Variants in HDAC4 observed in about 807,000 individuals in gnomAD.
HDAC4 encodes the protein histone deacetylase A.
Under a neutral mutation model 135.1 loss-of-function variants are expected in HDAC4, and 16 were observed. The ratio of observed to expected loss-of-function variants is 0.12; its 90% CI spans 0.08 to 0.18. The LOEUF (loss-of-function observed/expected upper bound fraction) is 0.18, where lower values mean the gene tolerates loss of function less well. Ranked by LOEUF, HDAC4 falls within the 10% of genes least tolerant of loss-of-function variation. The pLI is 1.00. For missense variants in HDAC4, 1,143 were observed against 1,511.8 expected, an observed-to-expected ratio of 0.76 and a Z score of 4.05; for synonymous variants, 685 against 653.4, an observed-to-expected ratio of 1.05 and a Z score of -0.74.
At chr2:239,060,615 G>C (rs1022873482) in intron 24 of HDAC4, among the ~76,000 whole-genome samples, 1 of 152,216 alleles carries the variant, frequency 6.6e-6, no homozygotes, top group Non-Finnish European at 1.5e-5. Context: ...CTGAGGTCTG[G>C]TCACGCCACT....
intron 2 of HDAC4, among the ~76,000 whole-genome samples, chr2:239,258,160 A>C (rs1028284134): frequency 6.6e-6 from 1 of 152,214 alleles, no homozygotes; most frequent in Non-Finnish European, 1.5e-5. Context: ...TCCATCATTT[A>C]ACAGATTAGA....
chr2:239,060,655 C>T (rs983166498), intron 24 of HDAC4, among the ~76,000 whole-genome samples: 3 of 152,228 alleles, frequency 2.0e-5, no homozygotes, highest in Non-Finnish European at 4.4e-5. Context: ...CTTAAAAAGC[C>T]GCTTGATGTT....
chr2:239,152,569 C>T (rs549399813), intron 7 of HDAC4, among the ~76,000 whole-genome samples: 12 of 152,192 alleles, frequency 7.9e-5, no homozygotes, highest in African/African-American at 1.2e-4. Flanking sequence ...TCAAGCCCAG[C>T]GGTGGAGGCT....
intron 17 of HDAC4, among the ~76,000 whole-genome samples, chr2:239,092,698 A>G (rs897085085): frequency 6.6e-6 from 1 of 152,148 alleles, no homozygotes. Context: ...CCACGGCTCC[A>G]GCTCCCAGGG....
chr2:239,218,769 C>G (rs1175821863), intron 3 of HDAC4, among the ~76,000 whole-genome samples: 1 of 137,856 alleles, frequency 7.3e-6, no homozygotes, highest in Non-Finnish European at 1.6e-5. Context: ...AACAAATTTA[C>G]AAGAAAAAAA....
chr2:239,274,345 A>G (rs1203490326), intron 2 of HDAC4, among the ~76,000 whole-genome samples: 1 of 152,178 alleles, frequency 6.6e-6, no homozygotes, highest in Non-Finnish European at 1.5e-5. Context: ...ATTCCCTGGA[A>G]GAGTCACATA....
intron 5 of HDAC4, among the ~76,000 whole-genome samples, chr2:239,168,413 CTAAACATGA>C (rs763368225): frequency 2.6e-5 from 4 of 152,176 alleles, no homozygotes; most frequent in Non-Finnish European, 5.9e-5. Context: ...TGTGTTCTTG[CTAAACATGA>C]TGAAAACTGC....
intron 3 of HDAC4, among the ~76,000 whole-genome samples, chr2:239,213,556 T>C (rs3791607): frequency 0.018 from 2,775 of 152,290 alleles, 83 homozygotes; most frequent in East Asian, 0.14. Flanking sequence ...CCCAAAAGCC[T>C]GCATCTGCAT....
At chr2:239,056,877 C>T (rs370276100) in intron 24 of HDAC4, among the ~76,000 whole-genome samples, 50 of 152,316 alleles carry the variant, frequency 3.3e-4, no homozygotes, top group Middle Eastern at 3.4e-3. Flanking sequence ...ATCTTCCTCC[C>T]CAAAGCACAG....
intron 1 of HDAC4, among the ~76,000 whole-genome samples, chr2:239,359,055 A>G (rs1693696241): frequency 6.6e-6 from 1 of 152,218 alleles, no homozygotes. Context: ...AAAAAGTACA[A>G]ATATTTTAAG....
rs1335416695 is a variant in HDAC4, at chr2:239,286,965, T to A, written c.23-50301A>T. On this transcript the variant is annotated intron_variant, in intron 2 of 26. Coordinates refer to ENST00000543185, the MANE Select transcript of HDAC4 (RefSeq NM_001378414.1). The stretch of plus-strand genomic sequence containing the variant: ...GCTACTCCTAAGGGGTATGTGTTCA[T>A]AAAGAAAAGAGAAAGTGACCCCAGC... Among the ~76,000 whole-genome samples, 12 of 152,146 alleles carry A rather than the reference T, an allele frequency of 7.9e-5. No homozygotes were observed. The East Asian group carries it at 2.3e-3, about 29-fold the overall frequency.
At chr2:239,252,092 C>T (rs904935363) in intron 2 of HDAC4, among the ~76,000 whole-genome samples, 30 of 152,206 alleles carry the variant, frequency 2.0e-4, no homozygotes, top group African/African-American at 7.0e-4. Flanking sequence ...ATGTCACTGG[C>T]AGGATGTGGA....
chr2:239,165,933 A>T (rs1300655918), intron 5 of HDAC4, among the ~76,000 whole-genome samples: 1 of 151,964 alleles, frequency 6.6e-6, no homozygotes, highest in Non-Finnish European at 1.5e-5. Flanking sequence ...GTTTTCATTC[A>T]TTTGGTTATT....
At chr2:239,292,032 C>T (rs866931588) in intron 2 of HDAC4, among the ~76,000 whole-genome samples, 2 of 152,082 alleles carry the variant, frequency 1.3e-5, no homozygotes, top group Non-Finnish European at 2.9e-5. Context: ...CGGCCCAGCT[C>T]GGCCCAGCTC....
At position 239,309,267 on chromosome 2, in the gene HDAC4, A is replaced by G. The variant is rs967300892; in HGVS notation, c.22+43411T>C. ...TTTCATATCCATGTTGTCACATTAC[A>G]TAACAAGCAGATGATACGAGAGATC... is the stretch of plus-strand genomic sequence containing the variant. On this transcript the variant is annotated intron_variant, in intron 2 of 26. Transcript: ENST00000543185. This position sits in a 1 kb window ranked among gnomAD's most constrained non-coding sequence, Gnocchi z 4.2. 7 of 152,100 alleles carry G rather than the reference A, an allele frequency of 4.6e-5. No homozygotes were observed. The highest frequency in any genetic ancestry group is 2.1e-4 in the South Asian group (1 of 4,830). The allele number at this position is 152,100 out of a possible 1,614,324, so 9.4% of individuals were successfully genotyped here.
At chr2:239,126,378 C>T (rs754172687) in intron 12 of HDAC4, 78 bp downstream of exon 12, 24 of 1,607,386 alleles carry the variant, frequency 1.5e-5, no homozygotes, top group Non-Finnish European at 2.0e-5. Context: ...CAGAAAGGGG[C>T]CAGTGCTGAA....
intron 19 of HDAC4, among the ~76,000 whole-genome samples, chr2:239,084,494 C>T (rs1459725985): frequency 1.4e-5 from 2 of 145,870 alleles, no homozygotes; most frequent in Non-Finnish European, 3.0e-5. Context: ...CACACAGCTC[C>T]CAAACAAGCC....
intron 8 of HDAC4, among the ~76,000 whole-genome samples, chr2:239,142,670 C>T (rs781252715): frequency 1.3e-5 from 2 of 151,774 alleles, no homozygotes; most frequent in Non-Finnish European, 2.9e-5. Flanking sequence ...ACGCATGGCT[C>T]CTGGGTGAGC....
In HDAC4 at chr2:239,349,147, G is replaced by C. The variant is rs1339087885; in HGVS notation, c.22+3531C>G. Among the ~76,000 whole-genome samples, 1 of 152,218 alleles carries C rather than the reference G, an allele frequency of 6.6e-6. No homozygotes were observed. The highest frequency in any genetic ancestry group is 1.9e-4 in the East Asian group (1 of 5,176). On this transcript the variant is annotated intron_variant, in intron 2 of 26. Transcript: ENST00000543185. This position sits in a 1 kb window ranked among gnomAD's most constrained non-coding sequence, Gnocchi z 5.7. Reference sequence around the variant, plus strand: ...ACACAGGAGCAGGGCCCCCATGCCAGATGGGCAGGCAAGGGTGAGCCAGGC... The same window carrying C: ...ACACAGGAGCAGGGCCCCCATGCCACATGGGCAGGCAAGGGTGAGCCAGGC...
Sources: allele counts gnomAD v4.1 joint callset (sites outside exome capture counted in the v4.1 genomes callset), GRCh38; gene constraint gnomAD v4.1.1; non-coding constraint Gnocchi (gnomAD v3.1); transcripts MANE v1.5; gene names NCBI Gene and HGNC (gene_info 2026-07-23, HGNC 2026-07-21).